Variants in MARCHF3 observed in about 807,000 individuals in gnomAD.
MARCHF3 encodes membrane associated ring-CH-type finger 3, also known as E3 ubiquitin-protein ligase MARCHF3.
In MARCHF3, 13 loss-of-function variants were observed where a neutral mutation model predicts 24.2. The observed-to-expected ratio is 0.54, with a 90% CI of 0.35 to 0.85. The LOEUF (loss-of-function observed/expected upper bound fraction) is 0.85. Among genes scored for constraint, MARCHF3 ranks in the 40% least tolerant of loss-of-function variants. The pLI is 0.01. For missense variants in MARCHF3, 276 were observed against 325.0 expected, an observed-to-expected ratio of 0.85 and a Z score of 1.16; for synonymous variants, 144 against 137.3, an observed-to-expected ratio of 1.05 and a Z score of -0.34.
At chr5:127,006,786 C>T (rs565932184) in intron 1 of MARCHF3, among the ~76,000 whole-genome samples, 1 of 152,114 alleles carries the variant, frequency 6.6e-6, no homozygotes, top group Non-Finnish European at 1.5e-5. Flanking sequence ...TATTATATGG[C>T]TTCTACTGTA....
At chr5:126,917,947 T>A (rs1304859013) in intron 2 of MARCHF3, 37 bp downstream of exon 2, 1 of 1,589,568 alleles carries the variant, frequency 6.3e-7, no homozygotes, top group African/African-American at 1.3e-5. Flanking sequence ...GTTCTCTGGA[T>A]CAATTACAGA....
At chr5:126,959,683 C>A (rs1750574469) in intron 1 of MARCHF3, among the ~76,000 whole-genome samples, 1 of 152,070 alleles carries the variant, frequency 6.6e-6, no homozygotes, top group South Asian at 2.1e-4. Context: ...CCTGTAATAT[C>A]TTAGCAATTT....
At chr5:126,903,486 ATCT>A (rs1435931104) in intron 3 of MARCHF3, among the ~76,000 whole-genome samples, 1 of 152,048 alleles carries the variant, frequency 6.6e-6, no homozygotes, top group Non-Finnish European at 1.5e-5. Context: ...ATGCCTATAA[ATCT>A]TCTTGAATCA....
chr5:126,920,044 T>A lies in MARCHF3; in HGVS notation c.-56-1817A>T, dbSNP rs541097054. ...GTTAAATAGGATTTTTTGCTTTTTT[T>A]AAAAAATTACAAAGCAATTAGTATA... On this transcript the variant is annotated intron_variant, in intron 1 of 4. Coordinates refer to ENST00000308660, the MANE Select transcript of MARCHF3 (RefSeq NM_178450.5). Among the ~76,000 whole-genome samples, 83 of 152,308 alleles carry A rather than the reference T, an allele frequency of 5.4e-4. 1 individual carries two copies. Among genetic ancestry groups the A allele is most frequent in the African/African-American group, 4.1e-4 (17 of 41,560 alleles).
intron 3 of MARCHF3, among the ~76,000 whole-genome samples, chr5:126,884,911 T>C (rs1753458527): frequency 6.6e-6 from 1 of 152,186 alleles, no homozygotes; most frequent in African/African-American, 2.4e-5. Context: ...TCTCCAGTGG[T>C]CATAATAAAG....
intron 3 of MARCHF3, among the ~76,000 whole-genome samples, chr5:126,903,621 TAA>T (rs1261867693): frequency 6.6e-6 from 1 of 151,362 alleles, no homozygotes. Context: ...TGTCTCCACC[TAA>T]GTCTCGTGTG....
intron 1 of MARCHF3, among the ~76,000 whole-genome samples, chr5:126,984,261 T>C (rs1048503846): frequency 3.9e-5 from 6 of 152,118 alleles, no homozygotes; most frequent in African/African-American, 1.2e-4. Context: ...CTTCTGGAGA[T>C]ACTCTATATT....
At chr5:126,971,422 C>T (rs1371558264) in intron 1 of MARCHF3, among the ~76,000 whole-genome samples, 1 of 146,180 alleles carries the variant, frequency 6.8e-6, no homozygotes, top group African/African-American at 2.6e-5. Flanking sequence ...GCACTCCAGC[C>T]TGGGTGACAG....
chr5:126,933,442 T>G (rs1451147247), intron 1 of MARCHF3, among the ~76,000 whole-genome samples: 2 of 151,380 alleles, frequency 1.3e-5, no homozygotes, highest in Non-Finnish European at 2.9e-5. Context: ...CTCTTTGGTA[T>G]CTCTTTTTTT....
rs1445661146 is a variant in MARCHF3, at chr5:127,007,039, T to C, written c.-57+23311A>G. ...CATTTTCATAAAGTCTGTGAAGAGA[T>C]CTCTGGTGGTGGCTCACCAAAAAGT... On this transcript the variant is annotated intron_variant, in intron 1 of 4. Coordinates refer to ENST00000308660, the MANE Select transcript of MARCHF3 (RefSeq NM_178450.5). 5.3e-5 allele frequency among the ~76,000 whole-genome samples: 8 copies of C among 152,108 alleles called. No individual in the cohort carries two copies. In the East Asian group the frequency reaches 1.5e-3, roughly 29 times the overall value.
At chr5:126,908,373 G>A (rs969870859) in intron 3 of MARCHF3, among the ~76,000 whole-genome samples, 1 of 152,152 alleles carries the variant, frequency 6.6e-6, no homozygotes, top group African/African-American at 2.4e-5. Context: ...GGCCTGCCTT[G>A]CTAGATTGGG....
chr5:127,028,001 C>T (rs1395808542), intron 1 of MARCHF3, among the ~76,000 whole-genome samples: 1 of 152,162 alleles, frequency 6.6e-6, no homozygotes, highest in Non-Finnish European at 1.5e-5. Flanking sequence ...TTGGATGATT[C>T]ATATCAAGGT....
chr5:126,903,231 G>C (rs1754164784), intron 3 of MARCHF3, among the ~76,000 whole-genome samples: 1 of 152,050 alleles, frequency 6.6e-6, no homozygotes, highest in Non-Finnish European at 1.5e-5. Context: ...TGTAAATGCA[G>C]GAAGGAATGC....
At chr5:127,022,367 A>T (rs1752832190) in intron 1 of MARCHF3, among the ~76,000 whole-genome samples, 1 of 152,226 alleles carries the variant, frequency 6.6e-6, no homozygotes, top group African/African-American at 2.4e-5. Context: ...ACCTGAAAAG[A>T]TGGGGAAAGA....
chr5:126,888,872 C>T (rs1264990969), intron 3 of MARCHF3, among the ~76,000 whole-genome samples: 1 of 152,202 alleles, frequency 6.6e-6, no homozygotes, highest in Non-Finnish European at 1.5e-5. Context: ...TCAAGCTATT[C>T]TCGTGCCTCA....
intron 1 of MARCHF3, among the ~76,000 whole-genome samples, chr5:126,978,736 G>A (rs544139167): frequency 5.9e-5 from 9 of 152,222 alleles, no homozygotes; most frequent in East Asian, 3.9e-4. Flanking sequence ...TTCTATGAGC[G>A]GCTCTCTCTC....
chr5:126,973,879 A>AT (rs10585434), intron 1 of MARCHF3, among the ~76,000 whole-genome samples: 4,185 of 83,006 alleles, frequency 0.05, 607 homozygotes, highest in East Asian at 0.074. Context: ...AGCAAAATCT[A>AT]TTTTTTTTTT....
Position 126,924,394 on chromosome 5 carries a change from C to T in MARCHF3, c.-56-6167G>A, listed in dbSNP as rs563055369. On this transcript the variant is annotated intron_variant, in intron 1 of 4. Coordinates refer to ENST00000308660, the MANE Select transcript of MARCHF3 (RefSeq NM_178450.5). ...CAATGAATGGACAATACAAGGCGGTCAGTGACTGAAACGGGAAAAAAAATG... is the reference window on the plus strand; with the variant it reads ...CAATGAATGGACAATACAAGGCGGTTAGTGACTGAAACGGGAAAAAAAATG... Among the ~76,000 whole-genome samples, 3 of 152,268 alleles carry T rather than the reference C, an allele frequency of 2.0e-5. No individual in the cohort carries two copies. In the South Asian group the frequency reaches 6.2e-4, roughly 32 times the overall value.
chr5:126,927,435 C>A (rs1443035469), intron 1 of MARCHF3, among the ~76,000 whole-genome samples: 1 of 152,056 alleles, frequency 6.6e-6, no homozygotes, highest in East Asian at 1.9e-4. Flanking sequence ...CTTTAGGGAA[C>A]CTCTGAGGTG....
Sources: allele counts gnomAD v4.1 joint callset (sites outside exome capture counted in the v4.1 genomes callset), GRCh38; gene constraint gnomAD v4.1.1; transcripts MANE v1.5; gene names NCBI Gene and HGNC (gene_info 2026-07-23, HGNC 2026-07-21).